Variants in HSPA14 observed in about 807,000 individuals in gnomAD.
HSPA14 encodes heat shock 70 kDa protein 14.
HSPA14 carries 37 observed loss-of-function variants against 65.5 expected under a neutral mutation model. The ratio of observed to expected loss-of-function variants is 0.56; its 90% CI spans 0.43 to 0.74. The LOEUF is 0.74. Ranked by LOEUF, HSPA14 falls within the 30% of genes least tolerant of loss-of-function variation. HSPA14 has a pLI of 0.00. For missense variants in HSPA14, 564 were observed against 607.6 expected, an observed-to-expected ratio of 0.93 and a Z score of 0.75; for synonymous variants, 203 against 214.2, an observed-to-expected ratio of 0.95 and a Z score of 0.46.
chr10:14,858,610 C>T (rs1832726778), intron 10 of HSPA14, among the ~76,000 whole-genome samples: 1 of 152,136 alleles, frequency 6.6e-6, no homozygotes, highest in South Asian at 2.1e-4. Context: ...TAGATAGGTG[C>T]ATGTCAGTGC....
At chr10:14,871,152 C>T (rs1039059828) in intron 13 of HSPA14, among the ~76,000 whole-genome samples, 1 of 152,148 alleles carries the variant, frequency 6.6e-6, no homozygotes, top group Non-Finnish European at 1.5e-5. Flanking sequence ...CAACTTACTC[C>T]ATAAACGATA....
intron 10 of HSPA14, among the ~76,000 whole-genome samples, chr10:14,864,149 A>T (rs1832783103): frequency 6.6e-6 from 1 of 150,596 alleles, no homozygotes. Flanking sequence ...GCATCGCTGG[A>T]GCCCAGGAAT....
intron 7 of HSPA14, 111 bp from the exon 8 acceptor site, chr10:14,852,259 A>G: frequency 3.5e-6 from 3 of 863,764 alleles, no homozygotes; most frequent in Middle Eastern, 3.2e-4. Context: ...TTCACCTGAG[A>G]TTTTCTATTT....
intron 10 of HSPA14, 35 bp from the exon 11 acceptor site, chr10:14,867,048 A>C: frequency 6.7e-7 from 1 of 1,485,242 alleles, no homozygotes; most frequent in Non-Finnish European, 9.4e-7. Context: ...CATTCTTCTA[A>C]AAGTAAACAA....
intron 8 of HSPA14, 98 bp from the exon 9 acceptor site, chr10:14,854,027 A>G (rs1834127169): frequency 6.6e-6 from 8 of 1,221,000 alleles, no homozygotes; most frequent in Non-Finnish European, 9.0e-6. Context: ...CTGATTCACT[A>G]ATTTATTATT....
At chr10:14,841,426 C>T (rs1365189113) in intron 3 of HSPA14, among the ~76,000 whole-genome samples, 3 of 152,156 alleles carry the variant, frequency 2.0e-5, no homozygotes, top group South Asian at 4.2e-4. Flanking sequence ...TGCAGTTTCC[C>T]ATGCTGCTGT....
intron 10 of HSPA14, among the ~76,000 whole-genome samples, chr10:14,857,218 C>T (rs1168883846): frequency 2.0e-5 from 3 of 152,092 alleles, no homozygotes; most frequent in Non-Finnish European, 4.4e-5. Flanking sequence ...TTTTTCCTCC[C>T]CTGTAAGAGA....
In HSPA14 at chr10:14,848,854, AC is replaced by A; in HGVS notation, c.338del (p.Pro113GlnfsTer7). 1 of 1,593,962 alleles carries A rather than the reference AC, an allele frequency of 6.3e-7. No homozygotes were observed. The highest frequency in any genetic ancestry group is 1.1e-5 in the South Asian group (1 of 88,524). ...ACTGGAGAAGAAACAAAATTTGTTAACCCAGAAGATGTTGCCAGACTGATAT... is the reference window on the plus strand; with the variant it reads ...ACTGGAGAAGAAACAAAATTTGTTAACCAGAAGATGTTGCCAGACTGATAT... ...IDTGEETKFV[N>X]PEDVARLIFS... On this transcript the variant is annotated frameshift_variant, in exon 5 of 14. Coordinates refer to ENST00000378372, the MANE Select transcript of HSPA14 (RefSeq NM_016299.4). LOFTEE classifies it high-confidence loss of function.
Position 14,839,993 on chromosome 10 carries a change from TC to T in HSPA14, c.138+14del. On this transcript the variant is annotated intron_variant, in intron 2 of 13. Transcript: ENST00000378372. ...TACTCAGAAAATGAAGAGGTACTAG[TC>T]CCCCCATTTTTGTACTTCTGAAATA... is the stretch of plus-strand genomic sequence containing the variant. 6.3e-7 allele frequency: 1 copy of T among 1,599,226 alleles called. No homozygotes were observed. The highest frequency in any genetic ancestry group is 1.1e-5 in the South Asian group (1 of 89,740).
intron 3 of HSPA14, chr10:14,844,581 C>T (rs1406285762): frequency 2.3e-5 from 23 of 985,308 alleles, no homozygotes; most frequent in Non-Finnish European, 2.7e-5. Flanking sequence ...TTTTGTCAAA[C>T]CGTCTTTCTC....
In HSPA14 at chr10:14,854,129, T is replaced by C; in HGVS notation, c.739T>C (p.Phe247Leu). Residue 247 changes from phenylalanine (F) to leucine (L), a missense_variant, in exon 9 of 14, where the codon TTC (phenylalanine) becomes CTC (leucine). Phe to Leu is a conservative substitution (Grantham distance 22). Transcript: ENST00000378372. ...QYLASEFQRS[F>L]KHDVRGNARA... ...AAGGCTATGTTTTTAATTTAGATCCTTCAAACATGATGTGAGAGGAAATGC... is the reference window on the plus strand; with the variant it reads ...AAGGCTATGTTTTTAATTTAGATCCCTCAAACATGATGTGAGAGGAAATGC... 2 of 1,595,972 alleles carry C rather than the reference T, an allele frequency of 1.3e-6. No individual in the cohort carries two copies. The highest frequency in any genetic ancestry group is 1.7e-6 in the Non-Finnish European group (2 of 1,174,830).
At chr10:14,846,214 G>T in intron 3 of HSPA14, 1 of 985,222 alleles carries the variant, frequency 1.0e-6, no homozygotes, top group Non-Finnish European at 1.2e-6. Context: ...GGAAAGATAT[G>T]TGTCAATTAT....
At chr10:14,846,124 T>C in intron 3 of HSPA14, 1 of 969,524 alleles carries the variant, frequency 1.0e-6, no homozygotes, top group Non-Finnish European at 1.2e-6. Flanking sequence ...ATATAGACTC[T>C]TTACTTTAAA....
At chr10:14,857,717 GT>G (rs1650572435) in intron 10 of HSPA14, among the ~76,000 whole-genome samples, 2 of 152,130 alleles carry the variant, frequency 1.3e-5, no homozygotes, top group African/African-American at 4.8e-5. Context: ...GGAGGAGGGT[GT>G]TTGACTTACT....
In HSPA14 at chr10:14,861,109, A is replaced by T. The variant is rs552273861; in HGVS notation, c.993+5166A>T. 3.8e-4 allele frequency among the ~76,000 whole-genome samples: 58 copies of T among 152,282 alleles called. 1 individual carries two copies. The highest frequency in any genetic ancestry group is 6.8e-3 in the Middle Eastern group (2 of 294). On this transcript the variant is annotated intron_variant, in intron 10 of 13. Transcript: ENST00000378372. Reference sequence around the variant, plus strand: ...TGGAATGGCTTGTCAGAGCAATTGTAGGGGAGCTGTGGAGATAAATGCCTT... The same window carrying T: ...TGGAATGGCTTGTCAGAGCAATTGTTGGGGAGCTGTGGAGATAAATGCCTT...
intron 10 of HSPA14, among the ~76,000 whole-genome samples, chr10:14,866,275 C>G (rs776702542): frequency 2.0e-5 from 3 of 152,154 alleles, no homozygotes; most frequent in Non-Finnish European, 4.4e-5. Context: ...GTTCCTCATG[C>G]TCGTACCTGG....
chr10:14,844,304 G>C (rs1261793031), intron 3 of HSPA14: 2 of 1,076,796 alleles, frequency 1.9e-6, no homozygotes, highest in African/African-American at 3.5e-5. Context: ...TAAAAGCACT[G>C]TACACATTTA....
chr10:14,839,026 C>A (rs1291357606), intron 1 of HSPA14, among the ~76,000 whole-genome samples: 3 of 152,094 alleles, frequency 2.0e-5, no homozygotes, highest in Non-Finnish European at 2.9e-5. Context: ...CCCGGAGGGG[C>A]GGGGAGGCTG....
At chr10:14,863,137 T>A (rs1832771087) in intron 10 of HSPA14, among the ~76,000 whole-genome samples, 1 of 152,228 alleles carries the variant, frequency 6.6e-6, no homozygotes, top group Admixed American at 6.5e-5. Context: ...ACTATCATTG[T>A]ATACCTGGGA....
Sources: allele counts gnomAD v4.1 joint callset (sites outside exome capture counted in the v4.1 genomes callset), GRCh38; gene constraint gnomAD v4.1.1; transcripts MANE v1.5; gene names NCBI Gene and HGNC (gene_info 2026-07-23, HGNC 2026-07-21).